KDM4B: variants seen among roughly 807,000 people sequenced by gnomAD.
The protein encoded by KDM4B is lysine demethylase 4B, also known as lysine-specific demethylase 4B.
In KDM4B, 32 loss-of-function variants were observed where a neutral mutation model predicts 125.2. The ratio of observed to expected loss-of-function variants is 0.26; its 90% CI spans 0.19 to 0.34. The LOEUF (loss-of-function observed/expected upper bound fraction) is 0.34, where lower values mean the gene tolerates loss of function less well. Ranked by LOEUF, KDM4B falls within the 10% of genes least tolerant of loss-of-function variation. The pLI, the probability that KDM4B is intolerant of heterozygous loss-of-function variation, is 1.00. For missense variants in KDM4B, 1,190 were observed against 1,577.7 expected (o/e 0.75, Z 4.16); for synonymous variants, 721 against 677.9 (o/e 1.06, Z -0.99).
At position 5,009,805 on chromosome 19, in the gene KDM4B, C is replaced by T. The variant is rs1051911390; in HGVS notation, c.-108-6452C>T. ...GGAGTGCAGGGGCGCCATCTTGGCT[C>T]ACTGCAGCCACTGCCTCCCAGGTTC... On this transcript the variant is annotated intron_variant, in intron 1 of 22. Coordinates refer to ENST00000159111, the MANE Select transcript of KDM4B (RefSeq NM_015015.3). 8.6e-5 allele frequency among the ~76,000 whole-genome samples: 13 copies of T among 152,032 alleles called. 1 individual carries two copies. The highest frequency in any genetic ancestry group is 1.2e-4 in the African/African-American group (5 of 41,378).
chr19:5,102,359 C>T (rs1480129660), intron 9 of KDM4B, among the ~76,000 whole-genome samples: 1 of 152,222 alleles, frequency 6.6e-6, no homozygotes, highest in East Asian at 1.9e-4. Context: ...CTGCAGTTGC[C>T]TCTGGCTGCC....
chr19:4,977,086 G>T (rs1310926729), intron 1 of KDM4B, among the ~76,000 whole-genome samples: 1 of 150,898 alleles, frequency 6.6e-6, no homozygotes. Flanking sequence ...TGCTTCTCTG[G>T]CTCTTCCTCC....
At chr19:5,061,873 AAAAC>A (rs1296736252) in intron 6 of KDM4B, among the ~76,000 whole-genome samples, 1 of 152,054 alleles carries the variant, frequency 6.6e-6, no homozygotes, top group Non-Finnish European at 1.5e-5. Context: ...ACAACAAAAA[AAAAC>A]AGAAGAAAGA....
At position 5,146,160 on chromosome 19, in the gene KDM4B, A is replaced by T. The variant is rs148427834; in HGVS notation, c.3021+1258A>T. 2.4e-3 allele frequency among the ~76,000 whole-genome samples: 340 copies of T among 140,976 alleles called. 1 individual carries two copies. Among genetic ancestry groups the T allele is most frequent in the African/African-American group, 8.3e-3 (308 of 37,010 alleles). 92.5% of individuals were successfully genotyped at this position (140,976 alleles called of 152,430 possible). A position where few individuals can be genotyped will look rare whatever the true frequency, so the allele number is the denominator to read the frequency against. ...AGTCACCACTCTCAACCTGTCACTG[A>T]GCATCCAGGACCGCCTTGCCATGCA... On this transcript the variant is annotated intron_variant, in intron 21 of 22. Coordinates refer to ENST00000159111, the MANE Select transcript of KDM4B (RefSeq NM_015015.3).
Position 5,144,166 on chromosome 19 carries a change from C to T in KDM4B, c.2736+14C>T, listed in dbSNP as rs367834623. On this transcript the variant is annotated intron_variant, in intron 19 of 22. Coordinates refer to ENST00000159111, the MANE Select transcript of KDM4B (RefSeq NM_015015.3). ...GGGGGTCACGCTGTGAGTGCCTGCCCGCCTCCTTGCCCCCAGCCCCTGGCT... is the reference window on the plus strand; with the variant it reads ...GGGGGTCACGCTGTGAGTGCCTGCCTGCCTCCTTGCCCCCAGCCCCTGGCT... The T allele has an allele frequency of 6.3e-5, 101 of 1,593,442 alleles. No homozygotes were observed. The highest frequency in any genetic ancestry group is 3.9e-4 in the African/African-American group (29 of 74,690).
Position 5,144,429 on chromosome 19 carries a change from G to T in KDM4B, c.2901+17G>T, listed in dbSNP as rs2039804224. 1 of 1,549,934 alleles carries T rather than the reference G, an allele frequency of 6.5e-7. No homozygotes were observed. The highest frequency in any genetic ancestry group is 8.7e-7 in the Non-Finnish European group (1 of 1,146,010). On this transcript the variant is annotated intron_variant, in intron 20 of 22. Coordinates refer to ENST00000159111, the MANE Select transcript of KDM4B (RefSeq NM_015015.3). ...AGCATCACGGTGAGCTGTGGGGTGGGGCAGGGGGCGGGGGGAGGCTGGGAG... is the reference window on the plus strand; with the variant it reads ...AGCATCACGGTGAGCTGTGGGGTGGTGCAGGGGGCGGGGGGAGGCTGGGAG...
intron 17 of KDM4B, 75 bp from the exon 18 acceptor site, chr19:5,137,887 C>A: frequency 2.3e-6 from 3 of 1,322,456 alleles, no homozygotes; most frequent in Non-Finnish European, 3.2e-6. Context: ...CCGACAGCCA[C>A]ATCACGCCCA....
At position 5,151,318 on chromosome 19, in the gene KDM4B, C is replaced by T. The variant is rs2039943392; in HGVS notation, c.3115-17C>T. On this transcript the variant is annotated splice_polypyrimidine_tract_variant and intron_variant, in intron 22 of 22. Transcript: ENST00000159111. Reference sequence around the variant, plus strand: ...TGTCTCCACCGTGCTAACCACTGTGCTTCCGCTCTCCCGCAGTCACTGAGC... The same window carrying T: ...TGTCTCCACCGTGCTAACCACTGTGTTTCCGCTCTCCCGCAGTCACTGAGC... The T allele has an allele frequency of 6.6e-7, 1 of 1,512,600 alleles. No individual in the cohort carries two copies. The highest frequency in any genetic ancestry group is 2.5e-5 in the East Asian group (1 of 39,582). 93.7% of individuals were successfully genotyped at this position (1,512,600 alleles called of 1,614,324 possible).
intron 6 of KDM4B, among the ~76,000 whole-genome samples, chr19:5,048,610 G>C (rs1390076799): frequency 6.6e-6 from 1 of 151,848 alleles, no homozygotes; most frequent in Middle Eastern, 3.2e-3. Context: ...AGAGGGGGGG[G>C]CGGGGGAGAA....
rs902733282 is a variant in KDM4B at position 4,997,779 on chromosome 19, C to T, written c.-108-18478C>T. On this transcript the variant is annotated intron_variant, in intron 1 of 22. Transcript: ENST00000159111. The surrounding 1 kb of genome is among the most constrained non-coding windows in gnomAD (Gnocchi z 4.2). ...TCATCAGCCTCTTCATCCTTACTGT[C>T]TGGTCTGTTCCAAAGGCCGCAGGCC... Among the ~76,000 whole-genome samples, 1 of 152,258 alleles carries T rather than the reference C, an allele frequency of 6.6e-6. No homozygotes were observed. Among genetic ancestry groups the T allele is most frequent in the African/African-American group, 2.4e-5 (1 of 41,468 alleles).
At chr19:4,983,608 G>A (rs937475309) in intron 1 of KDM4B, among the ~76,000 whole-genome samples, 2 of 152,220 alleles carry the variant, frequency 1.3e-5, no homozygotes, top group Non-Finnish European at 2.9e-5. Flanking sequence ...CGCAGCTGGT[G>A]GGGAGGCGCA....
At chr19:5,042,169 G>T (rs1362976815) in intron 5 of KDM4B, among the ~76,000 whole-genome samples, 3 of 152,178 alleles carry the variant, frequency 2.0e-5, no homozygotes, top group Admixed American at 2.0e-4. Context: ...TTGGAGATGG[G>T]CCCTAAGTCT....
intron 5 of KDM4B, among the ~76,000 whole-genome samples, chr19:5,045,383 G>C (rs1375884819): frequency 7.6e-6 from 1 of 131,210 alleles, no homozygotes; most frequent in Admixed American, 7.0e-5. Context: ...TGCCCAGTTT[G>C]TTGTTGTTGT....
chr19:5,054,515 T>C (rs1226793747), intron 6 of KDM4B, among the ~76,000 whole-genome samples: 1 of 152,038 alleles, frequency 6.6e-6, no homozygotes, highest in South Asian at 2.1e-4. Context: ...TGCGTACACA[T>C]GTACATGTGT....
At chr19:5,057,029 CGTGTGT>C (rs74170763) in intron 6 of KDM4B, among the ~76,000 whole-genome samples, 5,627 of 144,160 alleles carry the variant, frequency 0.039, 134 homozygotes, top group African/African-American at 0.059. Flanking sequence ...GATATATATG[CGTGTGT>C]GTGTGTGTGT....
At chr19:5,021,685 G>T (rs544963315) in intron 2 of KDM4B, among the ~76,000 whole-genome samples, 16 of 148,346 alleles carry the variant, frequency 1.1e-4, no homozygotes, top group Admixed American at 2.0e-4. Flanking sequence ...TGCCAGACTG[G>T]AGTGCAGTGG....
chr19:5,123,765 G>T (rs908375849), intron 11 of KDM4B, among the ~76,000 whole-genome samples: 1 of 152,230 alleles, frequency 6.6e-6, no homozygotes, highest in Admixed American at 6.5e-5. Flanking sequence ...GCTGGTAGAG[G>T]ATAAGTTCCT....
intron 3 of KDM4B, 101 bp downstream of exon 3, chr19:5,033,132 G>A (rs2036511446): frequency 7.9e-6 from 11 of 1,383,838 alleles, no homozygotes; most frequent in Non-Finnish European, 1.1e-5. Flanking sequence ...GGCGTGGCCT[G>A]TGCACGTGGA....
At chr19:5,049,607 G>T (rs1285738867) in intron 6 of KDM4B, among the ~76,000 whole-genome samples, 1 of 152,040 alleles carries the variant, frequency 6.6e-6, no homozygotes, top group Admixed American at 6.5e-5. Context: ...AGTCAGCTCA[G>T]CCTGCTTAGC....
Sources: gnomAD v4.1 joint callset for allele counts (sites outside exome capture counted in the v4.1 genomes callset) on GRCh38, gnomAD v4.1.1 for gene constraint, Gnocchi (gnomAD v3.1) non-coding constraint, MANE v1.5 for transcripts, NCBI Gene and HGNC (gene_info 2026-07-23, HGNC 2026-07-21) for gene names.